Variants in MON2 observed in about 807,000 individuals in gnomAD.
The protein encoded by MON2 is MON2 regulator of endosome-to-Golgi trafficking, also known as protein MON2 homolog.
A neutral mutation model predicts 208.6 loss-of-function variants in MON2; 84 were observed. That is an observed-to-expected ratio of 0.40 (90% CI 0.34 to 0.48). MON2 has a LOEUF of 0.48. Ranked by LOEUF, MON2 falls within the 20% of genes least tolerant of loss-of-function variation. The pLI, the probability that MON2 is intolerant of heterozygous loss-of-function variation, is 0.59. For synonymous variants in MON2, 660 were observed against 694.0 expected (o/e 0.95, Z 0.77); for missense variants, 1,611 against 2,015.4 (o/e 0.80, Z 3.84).
intron 22 of MON2, among the ~76,000 whole-genome samples, chr12:62,547,457 G>A (rs1335259528): frequency 6.6e-6 from 1 of 152,162 alleles, no homozygotes; most frequent in Non-Finnish European, 1.5e-5. Context: ...ATGTGAATTA[G>A]CATTTAGGGC....
chr12:62,533,831 A>C (rs1462778440), intron 12 of MON2, among the ~76,000 whole-genome samples: 1 of 152,176 alleles, frequency 6.6e-6, no homozygotes, highest in Non-Finnish European at 1.5e-5. Context: ...CTGTTTCTCT[A>C]TATTGAATTA....
Position 62,499,039 on chromosome 12 carries a change from C to T in MON2, c.556C>T (p.Arg186Ter), listed in dbSNP as rs1379822048. Reference sequence around the variant, plus strand: ...TGAGAGGATGGTTGCTGAAGATGAACGACACAGAGGTAAAGTGCTAGAAGT... The same window carrying T: ...TGAGAGGATGGTTGCTGAAGATGAATGACACAGAGGTAAAGTGCTAGAAGT... ...VFERMVAEDE[R>*]HRDIIEQPVL... Residue 186 changes from arginine to a stop codon, truncating the protein, a stop_gained, in exon 5 of 35, where the codon CGA (arginine) becomes TGA (stop). Coordinates refer to ENST00000393630, the MANE Select transcript of MON2 (RefSeq NM_015026.3). LOFTEE classifies it high-confidence loss of function. 5.0e-6 allele frequency: 8 copies of T among 1,612,480 alleles called. No homozygotes were observed. Among genetic ancestry groups the T allele is most frequent in the Non-Finnish European group, 6.8e-6 (8 of 1,179,396 alleles).
chr12:62,553,284 G>T, intron 24 of MON2, 110 bp downstream of exon 24: 2 of 1,068,428 alleles, frequency 1.9e-6, no homozygotes, highest in East Asian at 2.6e-5. Context: ...CCATGCATTT[G>T]TGTATTTGAC....
chr12:62,560,860 C>T lies in MON2; in HGVS notation c.3779C>T (p.Thr1260Ile), dbSNP rs1257371095. 5.0e-6 allele frequency: 8 copies of T among 1,613,970 alleles called. No individual in the cohort carries two copies. Among genetic ancestry groups the T allele is most frequent in the African/African-American group, 1.3e-5 (1 of 74,924 alleles). The stretch of plus-strand genomic sequence containing the variant: ...TCTGAAAGTACTAAGCCTCCTATTA[C>T]TTTTGATAAACTAACTTTTATTCCT... ...IGSESTKPPI[T>I]FDKLTFIPSQ... The change falls in exon 26 of 35, where the codon ACT (threonine) becomes ATT (isoleucine). Residue 1260 changes from threonine to isoleucine, a missense_variant. Coordinates refer to ENST00000393630, the MANE Select transcript of MON2 (RefSeq NM_015026.3).
intron 10 of MON2, 76 bp downstream of exon 10, chr12:62,525,296 T>C: frequency 6.8e-7 from 1 of 1,481,258 alleles, no homozygotes; most frequent in Non-Finnish European, 9.2e-7. Flanking sequence ...GAGGATATTA[T>C]GAAATTCTGT....
At chr12:62,534,567 ATT>A (rs1269777782) in intron 12 of MON2, among the ~76,000 whole-genome samples, 6 of 113,700 alleles carry the variant, frequency 5.3e-5, no homozygotes, top group African/African-American at 1.8e-4. Flanking sequence ...ATATATATAT[ATT>A]TTATATATAT....
chr12:62,555,629 A>T (rs1380670608), intron 24 of MON2, among the ~76,000 whole-genome samples: 2 of 152,016 alleles, frequency 1.3e-5, no homozygotes, highest in African/African-American at 4.8e-5. Context: ...GGCCAACATG[A>T]TGAAACCCCA....
chr12:62,514,643 G>A lies in MON2; in HGVS notation c.984+6163G>A, dbSNP rs181394697. ...CACTGGGTCCCTCCCAGAACACGTG[G>A]GAATTAAAGATGAGATTTGGTTGGG... On this transcript the variant is annotated intron_variant, in intron 8 of 34. Coordinates refer to ENST00000393630, the MANE Select transcript of MON2 (RefSeq NM_015026.3). 7.9e-5 allele frequency among the ~76,000 whole-genome samples: 12 copies of A among 152,196 alleles called. No homozygotes were observed. In the East Asian group the frequency reaches 2.3e-3, roughly 29 times the overall value.
chr12:62,518,459 A>G (rs1483178899), intron 8 of MON2, among the ~76,000 whole-genome samples: 2 of 152,104 alleles, frequency 1.3e-5, no homozygotes, highest in African/African-American at 2.4e-5. Context: ...GTGTTAACTA[A>G]TTTTTTAGGC....
At chr12:62,519,621 T>C (rs569623617) in intron 8 of MON2, among the ~76,000 whole-genome samples, 1 of 152,240 alleles carries the variant, frequency 6.6e-6, no homozygotes, top group African/African-American at 2.4e-5. Flanking sequence ...CTTGAATGTC[T>C]GGCTTAATAG....
At chr12:62,490,018 T>G (rs559935633) in intron 2 of MON2, 1 of 1,209,290 alleles carries the variant, frequency 8.3e-7, no homozygotes, top group African/African-American at 1.6e-5. Flanking sequence ...GTATCCTAGT[T>G]TAATTCTTTT....
At chr12:62,588,275 C>A (rs1410430323) in intron 34 of MON2, 119 bp downstream of exon 34, 1 of 651,512 alleles carries the variant, frequency 1.5e-6, no homozygotes, top group Non-Finnish European at 2.6e-6. Flanking sequence ...CTTCTTTTCT[C>A]CAGTTCTCAT....
At chr12:62,570,580 G>T (rs2074553958) in intron 29 of MON2, among the ~76,000 whole-genome samples, 1 of 152,072 alleles carries the variant, frequency 6.6e-6, no homozygotes, top group African/African-American at 2.4e-5. Flanking sequence ...AGATGATATA[G>T]CCTACTTCAC....
chr12:62,584,486 G>A (rs755546731), intron 32 of MON2, among the ~76,000 whole-genome samples: 5 of 152,038 alleles, frequency 3.3e-5, no homozygotes, highest in Non-Finnish European at 7.4e-5. Flanking sequence ...GGCGGATCAC[G>A]AGGTCAGGAA....
At chr12:62,588,575 G>C (rs2075294393) in intron 34 of MON2, among the ~76,000 whole-genome samples, 1 of 151,932 alleles carries the variant, frequency 6.6e-6, no homozygotes, top group South Asian at 2.1e-4. Context: ...TCATTTGTTT[G>C]CCCTTTCTGT....
At chr12:62,557,199 G>A (rs1233125224) in intron 25 of MON2, among the ~76,000 whole-genome samples, 1 of 152,190 alleles carries the variant, frequency 6.6e-6, no homozygotes, top group Non-Finnish European at 1.5e-5. Flanking sequence ...CAAAGTGCAT[G>A]TCTTAGTGTA....
chr12:62,580,176 T>A (rs2074951219), intron 31 of MON2, 121 bp from the exon 32 acceptor site: 2 of 918,354 alleles, frequency 2.2e-6, no homozygotes, highest in Non-Finnish European at 3.3e-6. Context: ...TTTGTGTACT[T>A]CTTTAAAGGA....
intron 34 of MON2, among the ~76,000 whole-genome samples, chr12:62,588,597 G>C (rs1444210974): frequency 6.6e-6 from 1 of 151,894 alleles, no homozygotes; most frequent in Non-Finnish European, 1.5e-5. Flanking sequence ...GTTCATTCCT[G>C]TCCAGTCCAT....
chr12:62,505,792 G>A (rs2071069667), intron 7 of MON2, among the ~76,000 whole-genome samples: 1 of 152,094 alleles, frequency 6.6e-6, no homozygotes, highest in Admixed American at 6.5e-5. Flanking sequence ...GGGAGGCTGA[G>A]AGGTGGGAGG....
Sources: allele counts gnomAD v4.1 joint callset (sites outside exome capture counted in the v4.1 genomes callset), GRCh38; gene constraint gnomAD v4.1.1; transcripts MANE v1.5; gene names NCBI Gene and HGNC (gene_info 2026-07-23, HGNC 2026-07-21).